Variants in CCSER1 observed in about 807,000 individuals in gnomAD.
CCSER1 encodes the protein coiled-coil serine rich protein 1.
In CCSER1, 41 loss-of-function variants were observed where a neutral mutation model predicts 82.0. The ratio of observed to expected loss-of-function variants is 0.50; its 90% CI spans 0.39 to 0.65. The LOEUF is 0.65. CCSER1 is among the 30% of genes least tolerant of loss of function. The probability of loss-of-function intolerance (pLI) is 0.00; values close to 1 mark genes in which losing one functional copy is unlikely to be tolerated. For missense variants in CCSER1, 1,119 were observed against 1,064.2 expected, an observed-to-expected ratio of 1.05 and a Z score of -0.72; for synonymous variants, 414 against 383.9, an observed-to-expected ratio of 1.08 and a Z score of -0.92.
intron 10 of CCSER1, among the ~76,000 whole-genome samples, chr4:91,335,462 T>A (rs902924472): frequency 6.6e-6 from 1 of 152,108 alleles, no homozygotes; most frequent in African/African-American, 2.4e-5. Flanking sequence ...TTACTGAGCT[T>A]TTTCTCAATG....
intron 6 of CCSER1, among the ~76,000 whole-genome samples, chr4:90,688,589 C>T (rs1293036237): frequency 6.6e-6 from 1 of 151,888 alleles, no homozygotes; most frequent in Non-Finnish European, 1.5e-5. Context: ...TAAAAAGACC[C>T]ACTAATTTTT....
At chr4:91,594,820 T>C (rs1764483867) in intron 10 of CCSER1, among the ~76,000 whole-genome samples, 1 of 152,088 alleles carries the variant, frequency 6.6e-6, no homozygotes, top group Non-Finnish European at 1.5e-5. Flanking sequence ...ACTAGAGTCT[T>C]TTGGCTTCAG....
intron 10 of CCSER1, among the ~76,000 whole-genome samples, chr4:91,311,290 G>T (rs879516173): frequency 1.3e-4 from 20 of 151,976 alleles, no homozygotes; most frequent in Non-Finnish European, 2.2e-4. Flanking sequence ...TGCAAACTTA[G>T]GTATCAAACT....
intron 10 of CCSER1, among the ~76,000 whole-genome samples, chr4:91,495,523 T>TA (rs564113241): frequency 1.2e-4 from 18 of 149,956 alleles, no homozygotes; most frequent in South Asian, 6.3e-4. Context: ...AATTTAAACT[T>TA]AAAAAAAAAG....
intron 10 of CCSER1, among the ~76,000 whole-genome samples, chr4:91,120,276 A>T (rs1726969751): frequency 6.6e-6 from 1 of 152,022 alleles, no homozygotes. Flanking sequence ...AGTTGGAGCA[A>T]AGTGTGGCTG....
At chr4:91,006,558 C>T (rs1013718578) in intron 9 of CCSER1, among the ~76,000 whole-genome samples, 14 of 151,026 alleles carry the variant, frequency 9.3e-5, no homozygotes, top group East Asian at 5.9e-4. Flanking sequence ...GGCGTGATCT[C>T]GGCTCACTGC....
chr4:90,708,233 G>A (rs1172875543), intron 6 of CCSER1, among the ~76,000 whole-genome samples: 2 of 152,176 alleles, frequency 1.3e-5, no homozygotes, highest in African/African-American at 2.4e-5. Context: ...GCCTCCATAA[G>A]CTTCAGACAA....
At chr4:90,809,514 G>A (rs1210891290) in intron 7 of CCSER1, among the ~76,000 whole-genome samples, 2 of 152,062 alleles carry the variant, frequency 1.3e-5, no homozygotes, top group Non-Finnish European at 1.5e-5. Context: ...TGATATAATA[G>A]ACACTGGAGA....
chr4:90,904,698 A>G (rs1725192957), intron 8 of CCSER1, among the ~76,000 whole-genome samples: 1 of 152,152 alleles, frequency 6.6e-6, no homozygotes, highest in South Asian at 2.1e-4. Flanking sequence ...GCATGTTTGC[A>G]ACCATCTGAA....
chr4:90,921,916 G>A (rs943323955), intron 8 of CCSER1, among the ~76,000 whole-genome samples: 1 of 151,872 alleles, frequency 6.6e-6, no homozygotes, highest in Non-Finnish European at 1.5e-5. Context: ...ACCTCTCCCT[G>A]TTCTTTTCTT....
intron 4 of CCSER1, among the ~76,000 whole-genome samples, chr4:90,447,612 A>T (rs1394051899): frequency 6.6e-6 from 1 of 152,230 alleles, no homozygotes; most frequent in Non-Finnish European, 1.5e-5. Flanking sequence ...ATTAGACTAT[A>T]AATTCCAGGC....
intron 10 of CCSER1, among the ~76,000 whole-genome samples, chr4:91,556,628 G>A (rs1762420132): frequency 6.6e-6 from 1 of 150,956 alleles, no homozygotes; most frequent in African/African-American, 2.4e-5. Context: ...GATGAAATAT[G>A]TTATATAAAG....
At chr4:91,596,416 A>G (rs1764580747) in intron 10 of CCSER1, among the ~76,000 whole-genome samples, 2 of 151,962 alleles carry the variant, frequency 1.3e-5, no homozygotes, top group African/African-American at 2.4e-5. Context: ...TTCATCCCCA[A>G]TTTTTTCCAC....
chr4:90,774,056 G>T lies in CCSER1; in HGVS notation c.2011-41706G>T, dbSNP rs1247235230. On this transcript the variant is annotated intron_variant, in intron 7 of 10. Coordinates refer to ENST00000509176, the MANE Select transcript of CCSER1 (RefSeq NM_001145065.2). ...TAAGTGCCTTGGGAGTGAGATATAA[G>T]GGCACATCATTTTTATTTAATTTCT... Among the ~76,000 whole-genome samples the T allele has an allele frequency of 2.0e-5, 3 of 152,010 alleles. No homozygotes were observed. The East Asian group carries it at 5.8e-4, about 29-fold the overall frequency.
intron 10 of CCSER1, among the ~76,000 whole-genome samples, chr4:91,260,951 G>A (rs567673492): frequency 7.2e-4 from 109 of 152,018 alleles, no homozygotes; most frequent in Non-Finnish European, 1.4e-3. Flanking sequence ...TTTTAGTAGA[G>A]ACAGGGTTTC....
intron 3 of CCSER1, among the ~76,000 whole-genome samples, chr4:90,337,029 G>GA (rs1322655926): frequency 8.5e-5 from 13 of 152,202 alleles, no homozygotes; most frequent in Middle Eastern, 6.8e-3. Flanking sequence ...AGGTGAAGTA[G>GA]AAAAAACAGA....
At chr4:90,616,738 CAA>C (rs1438703165) in intron 5 of CCSER1, among the ~76,000 whole-genome samples, 6 of 57,760 alleles carry the variant, frequency 1.0e-4, no homozygotes, top group South Asian at 5.3e-4. Context: ...CACACACACA[CAA>C]ATAAAATAAA....
At chr4:90,561,717 G>A (rs767345751) in intron 5 of CCSER1, among the ~76,000 whole-genome samples, 11 of 152,096 alleles carry the variant, frequency 7.2e-5, no homozygotes, top group Non-Finnish European at 1.5e-4. Context: ...AGGTCAGTAA[G>A]TAACCTCTTG....
intron 10 of CCSER1, among the ~76,000 whole-genome samples, chr4:91,152,506 C>T (rs2097746): frequency 0.73 from 110,979 of 152,070 alleles, 40,763 homozygotes; most frequent in Non-Finnish European, 0.78. Context: ...TTGGAGCATT[C>T]AGCCCATTTA....
Sources: allele counts gnomAD v4.1 joint callset (sites outside exome capture counted in the v4.1 genomes callset), GRCh38; gene constraint gnomAD v4.1.1; transcripts MANE v1.5; gene names NCBI Gene and HGNC (gene_info 2026-07-23, HGNC 2026-07-21).